Variants in CFAP97D2 observed in about 807,000 individuals in gnomAD.
The protein encoded by CFAP97D2 is CFAP97 domain containing 2.
exon 3 of CFAP97D2, chr13:114,200,381 G>A (rs2080911969): frequency 2.5e-6 from 1 of 398,562 alleles, no homozygotes; most frequent in African/African-American, 2.1e-5. Flanking sequence ...TCCTGGAGAA[G>A]GTGGCCTCTG....
At chr13:114,191,580 A>C (rs2080869570) in intron 1 of CFAP97D2, among the ~76,000 whole-genome samples, 1 of 152,236 alleles carries the variant, frequency 6.6e-6, no homozygotes, top group African/African-American at 2.4e-5. Flanking sequence ...AAAATCCAGA[A>C]CACTGACAAC....
At chr13:114,206,118 T>C (rs2080938974) in intron 3 of CFAP97D2, among the ~76,000 whole-genome samples, 1 of 151,764 alleles carries the variant, frequency 6.6e-6, no homozygotes, top group Admixed American at 6.6e-5. Flanking sequence ...TTTTTTTTTT[T>C]TTTGAGACAA....
chr13:114,183,463 C>T lies in CFAP97D2; in HGVS notation c.90+4043C>T, dbSNP rs145141650. Among the ~76,000 whole-genome samples the T allele has an allele frequency of 8.6e-3, 1,316 of 152,154 alleles. 19 individuals are homozygous for T. The highest frequency in any genetic ancestry group is 0.03 in the African/African-American group (1,236 of 41,508). Reference sequence around the variant, plus strand: ...GATTACAGGTGTGAGCCACCACACCCGGCCAAAGATTGTCATTTATAAACA... The same window carrying T: ...GATTACAGGTGTGAGCCACCACACCTGGCCAAAGATTGTCATTTATAAACA... On this transcript the variant is annotated intron_variant, in intron 1 of 4. Transcript: ENST00000646158.
chr13:114,212,949 AAG>A (rs2080974711), intron 4 of CFAP97D2, among the ~76,000 whole-genome samples: 1 of 152,238 alleles, frequency 6.6e-6, no homozygotes, highest in Non-Finnish European at 1.5e-5. Flanking sequence ...CCAAAATGGA[AAG>A]AGTTAAAAAT....
At position 114,185,518 on chromosome 13, in the gene CFAP97D2, C is replaced by T. The variant is rs557901402; in HGVS notation, c.90+6098C>T. ...AGGAGCTCCCTGGGTACAGCTGCAG[C>T]CACCTGGCCATGGCTGCGGACCCAG... On this transcript the variant is annotated intron_variant, in intron 1 of 4. Transcript: ENST00000646158. This position sits in a 1 kb window ranked among gnomAD's most constrained non-coding sequence, Gnocchi z 5.2. 8.1e-4 allele frequency among the ~76,000 whole-genome samples: 124 copies of T among 152,336 alleles called. 1 individual carries two copies. Among genetic ancestry groups the T allele is most frequent in the Non-Finnish European group, 1.3e-3 (86 of 68,024 alleles).
chr13:114,206,946 G>A (rs1240588661), intron 3 of CFAP97D2, among the ~76,000 whole-genome samples: 1 of 152,188 alleles, frequency 6.6e-6, no homozygotes, highest in Non-Finnish European at 1.5e-5. Context: ...GCTCCTGTAT[G>A]GGATCAGGGA....
At chr13:114,214,161 C>T (rs529597127) in intron 4 of CFAP97D2, 1 of 152,486 alleles carries the variant, frequency 6.6e-6, no homozygotes, top group African/African-American at 2.4e-5. Flanking sequence ...CCTGCAGTTT[C>T]CACAGGTATT....
At chr13:114,193,667 A>C (rs1431583559) in intron 1 of CFAP97D2, among the ~76,000 whole-genome samples, 1 of 152,208 alleles carries the variant, frequency 6.6e-6, no homozygotes, top group African/African-American at 2.4e-5. Context: ...AATTTTGGAG[A>C]ATATATTTAT....
chr13:114,181,700 T>C (rs1200449204), intron 1 of CFAP97D2, among the ~76,000 whole-genome samples: 1 of 152,168 alleles, frequency 6.6e-6, no homozygotes, highest in Non-Finnish European at 1.5e-5. Flanking sequence ...TGAGAATCTC[T>C]GAAACTGTAA....
intron 3 of CFAP97D2, among the ~76,000 whole-genome samples, chr13:114,202,768 G>A (rs2080924127): frequency 6.6e-6 from 1 of 152,208 alleles, no homozygotes; most frequent in Non-Finnish European, 1.5e-5. Context: ...TGGAGTGGAT[G>A]CTTAGCCTGC....
intron 2 of CFAP97D2, among the ~76,000 whole-genome samples, chr13:114,198,209 T>C (rs2080895914): frequency 6.6e-6 from 1 of 152,148 alleles, no homozygotes; most frequent in African/African-American, 2.4e-5. Context: ...GATGGTCTGA[T>C]CTCCTGACCT....
intron 1 of CFAP97D2, among the ~76,000 whole-genome samples, chr13:114,181,503 G>A (rs2080832370): frequency 6.6e-6 from 1 of 152,154 alleles, no homozygotes; most frequent in African/African-American, 2.4e-5. Context: ...CACTGAATGA[G>A]GAGAAGGGCA....
downstream of CFAP97D2, chr13:114,222,562 G>GAGATTCAGA (rs60378829): frequency 2.5e-6 from 1 of 398,538 alleles, no homozygotes; most frequent in Admixed American, 4.4e-5. The surrounding 1 kb of genome is among the most constrained non-coding windows in gnomAD (Gnocchi z 4.4). Context: ...AAGTGAGGAA[G>GAGATTCAGA]GGTAAGGATT....
chr13:114,218,332 C>G (rs534239859), intron 4 of CFAP97D2, among the ~76,000 whole-genome samples: 2 of 152,280 alleles, frequency 1.3e-5, no homozygotes, highest in East Asian at 3.9e-4. Flanking sequence ...ATGTGAAGGA[C>G]CTCTTCAAAG....
At chr13:114,208,293 A>G (rs2080950501) in intron 3 of CFAP97D2, among the ~76,000 whole-genome samples, 1 of 152,228 alleles carries the variant, frequency 6.6e-6, no homozygotes. Flanking sequence ...TCATATTTCA[A>G]ATACGGATTT....
In CFAP97D2 at chr13:114,187,978, A is replaced by G. The variant is rs2080857034; in HGVS notation, c.91-8418A>G. ...CTGGAAGATCCCAAAACATGTGAAT[A>G]TTAAACAACAACAATGGGGGCTGGG... On this transcript the variant is annotated intron_variant, in intron 1 of 4. Transcript: ENST00000646158. This position sits in a 1 kb window ranked among gnomAD's most constrained non-coding sequence, Gnocchi z 4.2. Among the ~76,000 whole-genome samples the G allele has an allele frequency of 6.6e-6, 1 of 152,198 alleles. No individual in the cohort carries two copies. The highest frequency in any genetic ancestry group is 2.4e-5 in the African/African-American group (1 of 41,436).
Position 114,182,265 on chromosome 13 carries a change from A to G in CFAP97D2, c.90+2845A>G, listed in dbSNP as rs187228036. On this transcript the variant is annotated intron_variant, in intron 1 of 4. Transcript: ENST00000646158. ...CCAGATTTATGTTTCTCTCCGCCCA[A>G]ACATCTCAGTGGAGTAAAGAATAAC... is the stretch of plus-strand genomic sequence containing the variant. Among the ~76,000 whole-genome samples the G allele has an allele frequency of 3.6e-3, 547 of 152,020 alleles. 7 individuals carry two copies. The highest frequency in any genetic ancestry group is 0.013 in the African/African-American group (528 of 41,440).
chr13:114,209,051 A>G (rs1237441194), intron 3 of CFAP97D2, among the ~76,000 whole-genome samples: 1 of 152,204 alleles, frequency 6.6e-6, no homozygotes, highest in Non-Finnish European at 1.5e-5. Context: ...TTTAGGGAGG[A>G]AGGAAGACAA....
In CFAP97D2 at chr13:114,211,779, G is replaced by A. The variant is rs1023322837; in HGVS notation, c.291-133G>A. 3.5e-5 allele frequency: 14 copies of A among 397,046 alleles called. No individual in the cohort carries two copies. Among genetic ancestry groups the A allele is most frequent in the Non-Finnish European group, 6.2e-5 (14 of 225,710 alleles). The allele number at this position is 397,046 out of a possible 1,614,324, so 24.6% of individuals were successfully genotyped here. A position where few individuals can be genotyped will look rare whatever the true frequency, so the allele number is the denominator to read the frequency against. ...CACCTGGAGAACCGGTTTCTTAAAT[G>A]TTGGTTCAGTGGGAAGCAGGAGCAA... On this transcript the variant is annotated intron_variant, in intron 3 of 4. Transcript: ENST00000646158. The surrounding 1 kb of genome is among the most constrained non-coding windows in gnomAD (Gnocchi z 4.2).
Sources: allele counts gnomAD v4.1 joint callset (sites outside exome capture counted in the v4.1 genomes callset), GRCh38; gene constraint gnomAD v4.1.1; non-coding constraint Gnocchi (gnomAD v3.1); transcripts MANE v1.5; gene names NCBI Gene and HGNC (gene_info 2026-07-23, HGNC 2026-07-21).